The following RFX3 variants were observed in gnomAD, a reference collection of about 807,000 sequenced individuals.
The protein encoded by RFX3 is transcription factor RFX3.
In RFX3, 14 loss-of-function variants were observed where a neutral mutation model predicts 98.6. The observed-to-expected ratio is 0.14, with a 90% CI of 0.09 to 0.22. RFX3 has a LOEUF of 0.22. Among genes scored for constraint, RFX3 ranks in the 10% least tolerant of loss-of-function variants. RFX3 has a pLI of 1.00. For synonymous variants in RFX3, 383 were observed against 328.4 expected (o/e 1.17, Z -1.80); for missense variants, 639 against 926.9 (o/e 0.69, Z 4.03).
chr9:3,241,744 T>C (rs1819951222), intron 15 of RFX3, among the ~76,000 whole-genome samples: 1 of 152,222 alleles, frequency 6.6e-6, no homozygotes, highest in African/African-American at 2.4e-5. Flanking sequence ...TCAGGATGGG[T>C]GTACAGGAGC....
intron 1 of RFX3, among the ~76,000 whole-genome samples, chr9:3,481,984 A>G (rs1267256604): frequency 6.6e-6 from 1 of 152,140 alleles, no homozygotes; most frequent in East Asian, 1.9e-4. Context: ...ACACTCTGAT[A>G]ATTGATAAAA....
At chr9:3,244,789 A>G (rs1820421287) in intron 15 of RFX3, among the ~76,000 whole-genome samples, 1 of 152,216 alleles carries the variant, frequency 6.6e-6, no homozygotes, top group Non-Finnish European at 1.5e-5. Context: ...AGCACTTAAC[A>G]AAGTTTGTAG....
chr9:3,246,988 T>C (rs1405994572), intron 15 of RFX3: 1 of 850,546 alleles, frequency 1.2e-6, no homozygotes, highest in Admixed American at 6.2e-5. Context: ...TTTTAATGTA[T>C]TTTTATTTAT....
chr9:3,368,437 G>C (rs1036729171), intron 2 of RFX3, among the ~76,000 whole-genome samples: 1 of 152,062 alleles, frequency 6.6e-6, no homozygotes, highest in Non-Finnish European at 1.5e-5. Context: ...GAATATTAAA[G>C]ATAATGGTTT....
intron 1 of RFX3, among the ~76,000 whole-genome samples, chr9:3,467,039 T>A (rs1049041737): frequency 4.0e-5 from 5 of 125,624 alleles, no homozygotes; most frequent in South Asian, 2.3e-4. Context: ...TATATATATA[T>A]ATATATATGT....
chr9:3,291,302 G>GA (rs1399957254), intron 6 of RFX3, among the ~76,000 whole-genome samples: 1 of 152,124 alleles, frequency 6.6e-6, no homozygotes, highest in African/African-American at 2.4e-5. Context: ...AACCCGGGGG[G>GA]CAGAGGTTGC....
intron 2 of RFX3, among the ~76,000 whole-genome samples, chr9:3,354,239 C>A (rs763981777): frequency 6.6e-5 from 10 of 151,778 alleles, no homozygotes; most frequent in Non-Finnish European, 1.2e-4. Flanking sequence ...TGGTAGATTT[C>A]TTTTTCCAAA....
intron 1 of RFX3, among the ~76,000 whole-genome samples, chr9:3,495,449 T>C (rs1043649388): frequency 1.3e-5 from 2 of 152,100 alleles, no homozygotes; most frequent in African/African-American, 4.8e-5. Flanking sequence ...ATATTTTAAC[T>C]CTGAAATTTA....
rs556724592 is a variant in RFX3 at position 3,324,780 on chromosome 9, T to A, written c.474+5479A>T. 1.4e-4 allele frequency among the ~76,000 whole-genome samples: 21 copies of A among 152,082 alleles called. No individual in the cohort carries two copies. The South Asian group carries it at 4.4e-3, about 32-fold the overall frequency. On this transcript the variant is annotated intron_variant, in intron 4 of 16. Transcript: ENST00000617270. ...GAGTTTGAGACCAGTGTGGCAAACA[T>A]GGTGAAACACCGTCTCTACTAAAAA...
At chr9:3,446,128 A>T (rs756878596) in intron 1 of RFX3, among the ~76,000 whole-genome samples, 37 of 152,062 alleles carry the variant, frequency 2.4e-4, no homozygotes, top group Non-Finnish European at 5.0e-4. Flanking sequence ...ATATTGATTG[A>T]CTGAATGGAT....
At chr9:3,265,636 A>C (rs1823530515) in intron 12 of RFX3, among the ~76,000 whole-genome samples, 1 of 152,192 alleles carries the variant, frequency 6.6e-6, no homozygotes, top group South Asian at 2.1e-4. Flanking sequence ...GTAGAGACTA[A>C]AATTTGTATC....
chr9:3,241,224 G>T (rs201378618), intron 15 of RFX3, among the ~76,000 whole-genome samples: 19 of 132,612 alleles, frequency 1.4e-4, no homozygotes, highest in African/African-American at 1.6e-4. Context: ...GGAGTTTTTT[G>T]TTTTTTTTTT....
chr9:3,469,114 G>A, intron 1 of RFX3: 1 of 446,500 alleles, frequency 2.2e-6, no homozygotes, highest in Non-Finnish European at 4.5e-6. Flanking sequence ...ATGAAACTAT[G>A]TTACAGATGA....
chr9:3,521,964 T>C (rs1348860746), intron 1 of RFX3, among the ~76,000 whole-genome samples: 4 of 152,118 alleles, frequency 2.6e-5, no homozygotes, highest in Non-Finnish European at 4.4e-5. Flanking sequence ...ATCTGCAGGT[T>C]CTACCACTTA....
chr9:3,494,553 G>C (rs185361835), intron 1 of RFX3, among the ~76,000 whole-genome samples: 1 of 152,228 alleles, frequency 6.6e-6, no homozygotes, highest in East Asian at 1.9e-4. Context: ...GCTCTCTCCA[G>C]CTGGTAAGGC....
At position 3,246,966 on chromosome 9, in the gene RFX3, G is replaced by A. The variant is rs964825523; in HGVS notation, c.1968+1066C>T. The A allele has an allele frequency of 5.4e-5, 36 of 661,172 alleles. No individual in the cohort carries two copies. In the African/African-American group the frequency reaches 6.7e-4, roughly 12 times the overall value. 41.0% of individuals were successfully genotyped at this position (661,172 alleles called of 1,614,324 possible). ...TTATTTATACTAGAATATTAGGGAG[G>A]TCCTTGAAGTATTTTAATGTATTTT... On this transcript the variant is annotated intron_variant, in intron 15 of 16. Coordinates refer to ENST00000617270, the MANE Select transcript of RFX3 (RefSeq NM_001282116.2).
chr9:3,457,736 G>A (rs1384287600), intron 1 of RFX3, among the ~76,000 whole-genome samples: 1 of 151,898 alleles, frequency 6.6e-6, no homozygotes, highest in East Asian at 1.9e-4. Context: ...TGCTTATATG[G>A]TATTTCACTT....
At chr9:3,492,868 G>A (rs1019099390) in intron 1 of RFX3, among the ~76,000 whole-genome samples, 1 of 152,110 alleles carries the variant, frequency 6.6e-6, no homozygotes, top group Admixed American at 6.5e-5. Flanking sequence ...CTTCTTTACT[G>A]ATATGCAACA....
intron 1 of RFX3, among the ~76,000 whole-genome samples, chr9:3,416,061 G>A (rs1035703145): frequency 6.6e-6 from 1 of 152,220 alleles, no homozygotes; most frequent in Non-Finnish European, 1.5e-5. Context: ...AAAGTCTGCA[G>A]AGATAATTTA....
Sources: allele counts gnomAD v4.1 joint callset (sites outside exome capture counted in the v4.1 genomes callset), GRCh38; gene constraint gnomAD v4.1.1; transcripts MANE v1.5; gene names NCBI Gene and HGNC (gene_info 2026-07-23, HGNC 2026-07-21).